The following PIK3CB variants were observed in gnomAD, a reference collection of about 807,000 sequenced individuals.
PIK3CB encodes phosphatidylinositol-4,5-bisphosphate 3-kinase catalytic subunit beta, also known as phosphatidylinositol 4,5-bisphosphate 3-kinase catalytic subunit beta isoform.
PIK3CB carries 39 observed loss-of-function variants against 136.8 expected under a neutral mutation model. The observed-to-expected ratio is 0.29, with a 90% CI of 0.22 to 0.37. The LOEUF (loss-of-function observed/expected upper bound fraction) is 0.37, where lower values mean the gene tolerates loss of function less well. PIK3CB is among the 10% of genes least tolerant of loss of function. PIK3CB has a pLI of 1.00. For synonymous variants in PIK3CB, 428 were observed against 436.6 expected (o/e 0.98, Z 0.25); for missense variants, 868 against 1,275.4 (o/e 0.68, Z 4.87).
chr3:138,831,018 C>T (rs1934009366), intron 1 of PIK3CB, among the ~76,000 whole-genome samples: 1 of 144,668 alleles, frequency 6.9e-6, no homozygotes, highest in Non-Finnish European at 1.5e-5. Flanking sequence ...CGCGGTGGCT[C>T]CCGCCTGGAG....
At chr3:138,812,687 C>T (rs1351213599) in intron 1 of PIK3CB, among the ~76,000 whole-genome samples, 2 of 152,056 alleles carry the variant, frequency 1.3e-5, no homozygotes, top group East Asian at 1.9e-4. Flanking sequence ...GCCACCACGC[C>T]CAGCTAATTT....
At chr3:138,774,815 G>A (rs1168154524) in intron 2 of PIK3CB, among the ~76,000 whole-genome samples, 2 of 152,162 alleles carry the variant, frequency 1.3e-5, no homozygotes. Flanking sequence ...ACTATTCCAG[G>A]CTTTGAATTC....
At chr3:138,664,290 T>C (rs1270670507) in intron 20 of PIK3CB, among the ~76,000 whole-genome samples, 1 of 152,102 alleles carries the variant, frequency 6.6e-6, no homozygotes, top group Non-Finnish European at 1.5e-5. Context: ...TCGGTGGGGC[T>C]GTGAGTAGAC....
chr3:138,720,108 T>C (rs1331146228), intron 8 of PIK3CB, among the ~76,000 whole-genome samples: 1 of 152,192 alleles, frequency 6.6e-6, no homozygotes. Flanking sequence ...TAACAGGTAT[T>C]GATGCAGGGT....
At chr3:138,750,805 GT>G (rs1347250877) in intron 4 of PIK3CB, among the ~76,000 whole-genome samples, 1 of 152,152 alleles carries the variant, frequency 6.6e-6, no homozygotes, top group Non-Finnish European at 1.5e-5. Flanking sequence ...AGATCACACA[GT>G]ATTTGAAGGT....
intron 12 of PIK3CB, among the ~76,000 whole-genome samples, chr3:138,700,989 G>A (rs1400128956): frequency 6.6e-6 from 1 of 152,000 alleles, no homozygotes; most frequent in African/African-American, 2.4e-5. Flanking sequence ...AGCAGACACC[G>A]TACTAACCAA....
intron 8 of PIK3CB, among the ~76,000 whole-genome samples, chr3:138,724,000 T>C (rs1576359115): frequency 6.6e-6 from 1 of 152,236 alleles, no homozygotes. Flanking sequence ...ATGTGAGGGT[T>C]TTCCTACACC....
intron 1 of PIK3CB, chr3:138,825,568 C>T (rs1933744207): frequency 4.7e-6 from 3 of 641,618 alleles, no homozygotes; most frequent in Admixed American, 2.4e-5. Context: ...TGATAACATG[C>T]CTTGGTTCAT....
chr3:138,763,045 C>T (rs1386495375), intron 2 of PIK3CB, among the ~76,000 whole-genome samples: 1 of 152,026 alleles, frequency 6.6e-6, no homozygotes, highest in Non-Finnish European at 1.5e-5. Flanking sequence ...AGGTGGAAGC[C>T]AGCTACTGAA....
At chr3:138,733,810 G>A (rs1426047508) in intron 7 of PIK3CB, among the ~76,000 whole-genome samples, 1 of 151,996 alleles carries the variant, frequency 6.6e-6, no homozygotes, top group Non-Finnish European at 1.5e-5. Context: ...CCCGGGAGGC[G>A]GAGCTTGCAG....
At chr3:138,658,594 A>G (rs1241303567) in intron 21 of PIK3CB, among the ~76,000 whole-genome samples, 1 of 152,122 alleles carries the variant, frequency 6.6e-6, no homozygotes, top group Non-Finnish European at 1.5e-5. Flanking sequence ...ATATGTTTAT[A>G]TTTATTTTTG....
intron 8 of PIK3CB, among the ~76,000 whole-genome samples, chr3:138,731,770 G>A (rs980339333): frequency 2.0e-5 from 3 of 151,840 alleles, no homozygotes; most frequent in Middle Eastern, 3.4e-3. Context: ...GGATCACGAG[G>A]TCAGGAGTTC....
At position 138,759,232 on chromosome 3, in the gene PIK3CB, T is replaced by C; in HGVS notation, c.112A>G (p.Thr38Ala). The C allele has an allele frequency of 6.2e-7, 1 of 1,612,390 alleles. No individual in the cohort carries two copies. The highest frequency in any genetic ancestry group is 8.5e-7 in the Non-Finnish European group (1 of 1,178,714). The change falls in exon 3 of 24, where the codon ACT becomes GCT. Residue 38 changes from threonine (T) to alanine (A), a missense_variant. Coordinates refer to ENST00000674063, the MANE Select transcript of PIK3CB (RefSeq NM_006219.3). ...GSIPVDFLLP[T>A]GIYIQLEVPR... is the part of the protein sequence containing the mutation. ...ACCTCCAACTGGATATAAATCCCAG[T>C]GGGCAAAAGGAAATCCACAGGTATG...
rs567883045 is a variant in PIK3CB at position 138,657,797 on chromosome 3, G to A, written c.2835C>T (p.Phe945=). 6 of 1,612,892 alleles carry A rather than the reference G, an allele frequency of 3.7e-6. No homozygotes were observed. The East Asian group carries it at 8.9e-5, about 24-fold the overall frequency. ...HIDFGHILGN[F]KSKFGIKRER... Reference sequence around the variant, plus strand: ...CCCTTTTAATGCCAAACTTAGATTTGAAATTTCCAAGAATATGTCCAAAGT... The same window carrying A: ...CCCTTTTAATGCCAAACTTAGATTTAAAATTTCCAAGAATATGTCCAAAGT... Residue 945 remains phenylalanine, a synonymous_variant, in exon 22 of 24, where the codon TTC becomes TTT. Transcript: ENST00000674063.
Position 138,707,246 on chromosome 3 carries a change from T to C in PIK3CB, c.1443A>G (p.Thr481=). ...CTGTTGCATTTTCAGTATATGGATTTGTTTGAACAGTTCCCATTGGATTCA... is the reference window on the plus strand; with the variant it reads ...CTGTTGCATTTTCAGTATATGGATTCGTTTGAACAGTTCCCATTGGATTCA... ...EMLNPMGTVQ[T]NPYTENATAL... is the part of the protein sequence containing the mutation. Residue 481 remains threonine (T), a synonymous_variant, in exon 11 of 24, where the codon ACA becomes ACG. Coordinates refer to ENST00000674063, the MANE Select transcript of PIK3CB (RefSeq NM_006219.3). 6.2e-7 allele frequency: 1 copy of C among 1,612,454 alleles called. No individual in the cohort carries two copies. The highest frequency in any genetic ancestry group is 1.1e-5 in the South Asian group (1 of 90,784).
chr3:138,692,078 T>C (rs968396547), intron 14 of PIK3CB, among the ~76,000 whole-genome samples: 1 of 152,180 alleles, frequency 6.6e-6, no homozygotes, highest in Admixed American at 6.5e-5. Context: ...CTGAGCTCAA[T>C]TAATTAAGGT....
At chr3:138,661,929 A>C (rs180927573) in intron 21 of PIK3CB, among the ~76,000 whole-genome samples, 100 of 152,310 alleles carry the variant, frequency 6.6e-4, no homozygotes, top group Non-Finnish European at 1.3e-3. Flanking sequence ...CTGAAAAATG[A>C]AATTTTCATT....
At chr3:138,656,351 A>G in intron 22 of PIK3CB, 77 bp from the exon 23 acceptor site, 2 of 1,428,424 alleles carry the variant, frequency 1.4e-6, no homozygotes, top group Non-Finnish European at 1.9e-6. Context: ...AATTAAGAAA[A>G]CACAGCTAGA....
At chr3:138,693,966 T>TATATATATATATATATATATATATATATA (rs1457395869) in intron 14 of PIK3CB, among the ~76,000 whole-genome samples, 4 of 42,406 alleles carry the variant, frequency 9.4e-5, no homozygotes, top group African/African-American at 1.4e-4. Context: ...TATATATATA[T>TATATATATATATATATATATATATATATA]TATATATATA....
Sources: allele counts gnomAD v4.1 joint callset (sites outside exome capture counted in the v4.1 genomes callset), GRCh38; gene constraint gnomAD v4.1.1; transcripts MANE v1.5; gene names NCBI Gene and HGNC (gene_info 2026-07-23, HGNC 2026-07-21).